Variants in SPRTN observed in about 807,000 individuals in gnomAD.
SPRTN encodes the protein SprT-like N-terminal domain.
SPRTN carries 11 observed loss-of-function variants against 31.9 expected under a neutral mutation model. That is an observed-to-expected ratio of 0.34 (90% CI 0.22 to 0.57). The LOEUF is 0.57. SPRTN is among the 20% of genes least tolerant of loss of function. The probability of loss-of-function intolerance (pLI) is 0.86; values close to 1 mark genes in which losing one functional copy is unlikely to be tolerated. For synonymous variants in SPRTN, 185 were observed against 212.1 expected (o/e 0.87, Z 1.11); for missense variants, 482 against 590.1 (o/e 0.82, Z 1.90).
chr1:231,354,062 T>A lies in SPRTN; in HGVS notation c.*701T>A, dbSNP rs1386178435. On this transcript the variant is annotated 3_prime_UTR_variant, in exon 5 of 5. Transcript: ENST00000295050. ...TGTAGGCCAAATTTTATATTGAGTT[T>A]AGCTGTTTTCTCAAAATTTAGCAGA... 1 of 975,896 alleles carries A rather than the reference T, an allele frequency of 1.0e-6. No individual in the cohort carries two copies. Among genetic ancestry groups the A allele is most frequent in the Admixed American group, 6.2e-5 (1 of 16,260 alleles). 60.5% of individuals were successfully genotyped at this position (975,896 alleles called of 1,614,324 possible). A position where few individuals can be genotyped will look rare whatever the true frequency, so the allele number is the denominator to read the frequency against.
intron 2 of SPRTN, among the ~76,000 whole-genome samples, chr1:231,346,179 TTTTC>T: frequency 1.2e-5 from 1 of 85,886 alleles, no homozygotes; most frequent in Non-Finnish European, 2.8e-5. Flanking sequence ...TTTTCTTTTC[TTTTC>T]TTTTTTTTTT....
intron 4 of SPRTN, chr1:231,352,175 A>G: frequency 1.0e-6 from 1 of 990,606 alleles, no homozygotes; most frequent in East Asian, 1.1e-4. Context: ...ACCCAAGAAC[A>G]TAGGTTATAT....
At position 231,353,147 on chromosome 1, in the gene SPRTN, A is replaced by T. The variant is rs756487057; in HGVS notation, c.1256A>T (p.Asn419Ile). 2 of 1,611,852 alleles carry T rather than the reference A, an allele frequency of 1.2e-6. No individual in the cohort carries two copies. Among genetic ancestry groups the T allele is most frequent in the African/African-American group, 1.3e-5 (1 of 74,814 alleles). ...PRLEDKTVFDNFFIKKEQIKS... is the reference protein window; with the variant it reads ...PRLEDKTVFDIFFIKKEQIKS... ...CTAGAAGATAAGACTGTTTTTGACA[A>T]TTTTTTTATCAAGAAAGAGCAAATA... Residue 419 changes from asparagine to isoleucine, a missense_variant, in exon 5 of 5, where the codon AAT becomes ATT. By Grantham distance (149) the Asn-to-Ile change is moderately radical. Around this residue, in one of 2 missense-constraint regions of SPRTN, gnomAD observed 325 missense variants for 350.2 expected, o/e 0.93. Coordinates refer to ENST00000295050, the MANE Select transcript of SPRTN (RefSeq NM_032018.7).
chr1:231,352,373 A>G lies in SPRTN; in HGVS notation c.719-237A>G, dbSNP rs536989199. ...TGCCTTGTTGTTGGTCTTTGGCATG[A>G]TAAGATTCTTTATTTAAATATGAGA... On this transcript the variant is annotated intron_variant, in intron 4 of 4. Coordinates refer to ENST00000295050, the MANE Select transcript of SPRTN (RefSeq NM_032018.7). 19 of 1,193,024 alleles carry G rather than the reference A, an allele frequency of 1.6e-5. No individual in the cohort carries two copies. In the African/African-American group the frequency reaches 2.8e-4, roughly 18 times the overall value. 73.9% of individuals were successfully genotyped at this position (1,193,024 alleles called of 1,614,324 possible). A position where few individuals can be genotyped will look rare whatever the true frequency, so the allele number is the denominator to read the frequency against.
At chr1:231,341,820 CTACTA>C (rs1006777092) in intron 2 of SPRTN, among the ~76,000 whole-genome samples, 20 of 152,276 alleles carry the variant, frequency 1.3e-4, no homozygotes, top group Admixed American at 1.3e-3. Flanking sequence ...AACCCCGTCT[CTACTA>C]AAAATACAAA....
Position 231,354,427 on chromosome 1 carries a change from C to A in SPRTN, c.*1066C>A, listed in dbSNP as rs934245098. The A allele has an allele frequency of 4.1e-6, 4 of 978,890 alleles. No homozygotes were observed. Among genetic ancestry groups the A allele is most frequent in the Non-Finnish European group, 4.9e-6 (4 of 824,124 alleles). The allele number at this position is 978,890 out of a possible 1,614,324, so 60.6% of individuals were successfully genotyped here. A position where few individuals can be genotyped will look rare whatever the true frequency, so the allele number is the denominator to read the frequency against. On this transcript the variant is annotated 3_prime_UTR_variant, in exon 5 of 5. Transcript: ENST00000295050. ...TTCACTTTGTTGTAATACAGGTGCA[C>A]AAATCTTAAGTGCACAGCTGGGTAA...
chr1:231,351,442 T>C lies in SPRTN; in HGVS notation c.589T>C (p.Trp197Arg). The C allele has an allele frequency of 5.0e-6, 8 of 1,614,186 alleles. No individual in the cohort carries two copies. Among genetic ancestry groups the C allele is most frequent in the Non-Finnish European group, 6.8e-6 (8 of 1,180,032 alleles). Reference protein sequence around the residue: ...TNREPSAHDYWWAEHQKTCGG... With the variant: ...TNREPSAHDYRWAEHQKTCGG... The stretch of plus-strand genomic sequence containing the variant: ...CAGGGAACCCTCTGCTCATGACTAT[T>C]GGTGGGCTGAGCACCAGAAAACCTG... Residue 197 changes from tryptophan (W) to arginine (R), a missense_variant, in exon 4 of 5, where the codon TGG becomes CGG. Physicochemically the swap from Trp to Arg is moderately radical, Grantham distance 101. This residue lies in a region of SPRTN where 325 missense variants were observed against 350.2 expected (regional missense o/e 0.93). Transcript: ENST00000295050.
Position 231,352,794 on chromosome 1 carries a change from G to C in SPRTN, c.903G>C (p.Lys301Asn), listed in dbSNP as rs1054394385. ...CTGTAAGACCTAATTCTAAAATCAA[G>C]GTGAAATTTGAACAGAATGGTTCAA... is the stretch of plus-strand genomic sequence containing the variant. ...ANAVRPNSKI[K>N]VKFEQNGSSK... Residue 301 changes from lysine (K) to asparagine (N), a missense_variant, in exon 5 of 5, where the codon AAG becomes AAC. By Grantham distance (94) the Lys-to-Asn change is moderately conservative. Around this residue, in one of 2 missense-constraint regions of SPRTN, gnomAD observed 325 missense variants for 350.2 expected, o/e 0.93. Transcript: ENST00000295050. The C allele has an allele frequency of 9.9e-6, 16 of 1,613,598 alleles. No homozygotes were observed. Among genetic ancestry groups the C allele is most frequent in the Non-Finnish European group, 1.4e-5 (16 of 1,179,908 alleles).
chr1:231,345,949 A>T (rs1687045733), intron 2 of SPRTN, among the ~76,000 whole-genome samples: 1 of 151,876 alleles, frequency 6.6e-6, no homozygotes, highest in Non-Finnish European at 1.5e-5. Flanking sequence ...AGTAGCTAGG[A>T]CTACAGATGC....
chr1:231,348,801 G>A (rs1314291424), intron 3 of SPRTN, among the ~76,000 whole-genome samples: 2 of 152,068 alleles, frequency 1.3e-5, no homozygotes, highest in Non-Finnish European at 2.9e-5. Context: ...ACTTTTGAAC[G>A]CAGGGTAGGT....
chr1:231,346,327 G>A (rs576070865), intron 2 of SPRTN, among the ~76,000 whole-genome samples: 46 of 150,076 alleles, frequency 3.1e-4, no homozygotes, highest in South Asian at 6.3e-4. Flanking sequence ...TATACTGCTC[G>A]GACTACAGGC....
chr1:231,351,446 G>T lies in SPRTN; in HGVS notation c.593G>T (p.Trp198Leu), dbSNP rs369784193. The change falls in exon 4 of 5, where the codon TGG (tryptophan) becomes TTG (leucine). Residue 198 changes from tryptophan to leucine, a missense_variant. Trp to Leu is a moderately conservative substitution (Grantham distance 61). This residue lies in a region of SPRTN where 325 missense variants were observed against 350.2 expected (regional missense o/e 0.93). Coordinates refer to ENST00000295050, the MANE Select transcript of SPRTN (RefSeq NM_032018.7). ...NREPSAHDYW[W>L]AEHQKTCGGT... Reference sequence around the variant, plus strand: ...GAACCCTCTGCTCATGACTATTGGTGGGCTGAGCACCAGAAAACCTGTGGA... The same window carrying T: ...GAACCCTCTGCTCATGACTATTGGTTGGCTGAGCACCAGAAAACCTGTGGA... 8 of 1,614,074 alleles carry T rather than the reference G, an allele frequency of 5.0e-6. No individual in the cohort carries two copies. Among genetic ancestry groups the T allele is most frequent in the Non-Finnish European group, 6.8e-6 (8 of 1,180,014 alleles).
In SPRTN at chr1:231,343,631, C is replaced by T. The variant is rs1558363406; in HGVS notation, c.321+3763C>T. 3.3e-5 allele frequency among the ~76,000 whole-genome samples: 5 copies of T among 152,006 alleles called. No individual in the cohort carries two copies. In the South Asian group the frequency reaches 1.0e-3, roughly 32 times the overall value. ...ACTTTGGACTAAACGTCGTCTTTAC[C>T]ACAGCCATGCAAAATGAGGATATCC... On this transcript the variant is annotated intron_variant, in intron 2 of 4. Coordinates refer to ENST00000295050, the MANE Select transcript of SPRTN (RefSeq NM_032018.7).
Position 231,354,895 on chromosome 1 carries a change from G to A in SPRTN, c.*1534G>A. The A allele has an allele frequency of 1.9e-6, 1 of 520,596 alleles. No individual in the cohort carries two copies. Among genetic ancestry groups the A allele is most frequent in the Non-Finnish European group, 2.5e-6 (1 of 405,814 alleles). The allele number at this position is 520,596 out of a possible 1,614,324, so 32.2% of individuals were successfully genotyped here. On this transcript the variant is annotated 3_prime_UTR_variant, in exon 5 of 5. Coordinates refer to ENST00000295050, the MANE Select transcript of SPRTN (RefSeq NM_032018.7). ...GTTTACACTCCTACCAGCAATGTAT[G>A]AGAGTTTTAGTTGTTCACCATTCAT...
At position 231,353,188 on chromosome 1, in the gene SPRTN, G is replaced by A. The variant is rs906647927; in HGVS notation, c.1297G>A (p.Asp433Asn). 2 of 1,613,370 alleles carry A rather than the reference G, an allele frequency of 1.2e-6. No homozygotes were observed. Among genetic ancestry groups the A allele is most frequent in the Non-Finnish European group, 1.7e-6 (2 of 1,179,894 alleles). The stretch of plus-strand genomic sequence containing the variant: ...AGAGCAAATAAAAAGCAGTGGTAAT[G>A]ATCCAAAGTATAGTACAACCACAGC... ...KKEQIKSSGN[D>N]PKYSTTTAQN... is the part of the protein sequence containing the mutation. Residue 433 changes from aspartate (D) to asparagine (N), a missense_variant, in exon 5 of 5, where the codon GAT (aspartate) becomes AAT (asparagine). Asp to Asn is a conservative substitution (Grantham distance 23). Around this residue, in one of 2 missense-constraint regions of SPRTN, gnomAD observed 325 missense variants for 350.2 expected, o/e 0.93. Transcript: ENST00000295050.
intron 2 of SPRTN, among the ~76,000 whole-genome samples, chr1:231,341,816 G>C (rs1686900258): frequency 6.6e-6 from 1 of 152,066 alleles, no homozygotes; most frequent in Non-Finnish European, 1.5e-5. Flanking sequence ...GTGAAACCCC[G>C]TCTCTACTAA....
chr1:231,340,477 A>G (rs1053660885), intron 2 of SPRTN, among the ~76,000 whole-genome samples: 3 of 152,186 alleles, frequency 2.0e-5, no homozygotes, highest in Non-Finnish European at 4.4e-5. Flanking sequence ...TAAGGTTCAG[A>G]GAGGTTAAGT....
chr1:231,353,366 G>A lies in SPRTN; in HGVS notation c.*5G>A, dbSNP rs536855918. ...AAAAGCGAAGAAAGTCTTTGAAAAA[G>A]GTTTCAAAGTCTCAAGTACCACCTG... is the stretch of plus-strand genomic sequence containing the variant. On this transcript the variant is annotated 3_prime_UTR_variant, in exon 5 of 5. Transcript: ENST00000295050. The A allele has an allele frequency of 6.4e-7, 1 of 1,566,038 alleles. No homozygotes were observed. Among genetic ancestry groups the A allele is most frequent in the Non-Finnish European group, 8.6e-7 (1 of 1,162,070 alleles).
chr1:231,340,088 C>T (rs1686831878), intron 2 of SPRTN: 1 of 390,022 alleles, frequency 2.6e-6, no homozygotes, highest in South Asian at 2.7e-5. Flanking sequence ...AGGGGCCGGG[C>T]ACGCTGGCTC....
Sources: gnomAD v4.1 joint callset for allele counts (sites outside exome capture counted in the v4.1 genomes callset) on GRCh38, gnomAD v4.1.1 for gene constraint, gnomAD v4.1.1 regional missense constraint, MANE v1.5 for transcripts, NCBI Gene and HGNC (gene_info 2026-07-23, HGNC 2026-07-21) for gene names.